The following CSMD1 variants were observed in gnomAD, a reference collection of about 807,000 sequenced individuals.
CSMD1 encodes the protein CUB and Sushi multiple domains 1, also known as CUB and sushi domain-containing protein 1.
A neutral mutation model predicts 417.5 loss-of-function variants in CSMD1; 213 were observed. The ratio of observed to expected loss-of-function variants is 0.51; its 90% CI spans 0.46 to 0.57. CSMD1 has a LOEUF of 0.57. CSMD1 is among the 20% of genes least tolerant of loss of function. CSMD1 has a pLI of 0.00. For synonymous variants in CSMD1, 2,862 were observed against 1,736.8 expected (o/e 1.65, Z -16.11); for missense variants, 6,923 against 4,529.7 (o/e 1.53, Z -15.17).
At chr8:3,749,933 C>T (rs1156320405) in intron 6 of CSMD1, among the ~76,000 whole-genome samples, 1 of 152,084 alleles carries the variant, frequency 6.6e-6, no homozygotes, top group East Asian at 1.9e-4. Context: ...CTGTTGGACG[C>T]ATGCCTGAAA....
At chr8:3,932,946 T>G (rs1283457334) in intron 5 of CSMD1, among the ~76,000 whole-genome samples, 1 of 150,380 alleles carries the variant, frequency 6.6e-6, no homozygotes, top group Non-Finnish European at 1.5e-5. Context: ...TTTAAAAGTG[T>G]ATGTGAATTT....
At chr8:3,620,037 T>G (rs562746641) in intron 7 of CSMD1, among the ~76,000 whole-genome samples, 2 of 152,134 alleles carry the variant, frequency 1.3e-5, no homozygotes, top group South Asian at 4.1e-4. Context: ...GGGAGGCAGA[T>G]GTTGCAGTGA....
intron 3 of CSMD1, among the ~76,000 whole-genome samples, chr8:4,113,991 A>G (rs1314734411): frequency 6.6e-6 from 1 of 152,212 alleles, no homozygotes; most frequent in Non-Finnish European, 1.5e-5. Context: ...AGCAAATGTC[A>G]ATGTAGAAGC....
At chr8:3,588,666 AG>A (rs770364071) in intron 8 of CSMD1, among the ~76,000 whole-genome samples, 7 of 152,138 alleles carry the variant, frequency 4.6e-5, no homozygotes, top group Non-Finnish European at 8.8e-5. Context: ...TTCTGTTTTG[AG>A]AAAAACAATC....
At chr8:3,158,361 G>C (rs913182415) in intron 38 of CSMD1, among the ~76,000 whole-genome samples, 1 of 152,082 alleles carries the variant, frequency 6.6e-6, no homozygotes, top group African/African-American at 2.4e-5. Context: ...TGATTAAAAG[G>C]CCAAAATGTC....
chr8:4,450,300 C>T (rs184872406), intron 2 of CSMD1, among the ~76,000 whole-genome samples: 4 of 152,288 alleles, frequency 2.6e-5, no homozygotes, highest in Non-Finnish European at 5.9e-5. Flanking sequence ...GCACTGTTTG[C>T]TGCAACTCAG....
chr8:4,703,331 G>T (rs547536799), intron 1 of CSMD1, among the ~76,000 whole-genome samples: 1 of 152,078 alleles, frequency 6.6e-6, no homozygotes, highest in African/African-American at 2.4e-5. Flanking sequence ...AATATACGTC[G>T]CTCCACGGAC....
chr8:3,669,154 GAAAGCACGTAC>G (rs1798855915), intron 7 of CSMD1, among the ~76,000 whole-genome samples: 1 of 152,160 alleles, frequency 6.6e-6, no homozygotes, highest in Non-Finnish European at 1.5e-5. Context: ...TTAAAACAAG[GAAAGCACGTAC>G]AAATGAGCAT....
intron 7 of CSMD1, among the ~76,000 whole-genome samples, chr8:3,638,484 C>G (rs111612328): frequency 6.6e-6 from 1 of 151,780 alleles, no homozygotes; most frequent in Non-Finnish European, 1.5e-5. Context: ...AACCTGGAGA[C>G]GTGATGATAA....
intron 33 of CSMD1, among the ~76,000 whole-genome samples, chr8:3,196,842 C>T (rs1314346126): frequency 6.6e-6 from 1 of 152,100 alleles, no homozygotes; most frequent in Admixed American, 6.6e-5. Flanking sequence ...AATGACCATG[C>T]CCGTTCATTC....
chr8:3,178,808 T>C (rs1359560176), intron 37 of CSMD1, among the ~76,000 whole-genome samples: 7 of 152,178 alleles, frequency 4.6e-5, no homozygotes, highest in Admixed American at 2.0e-4. Context: ...GCAGTCCATA[T>C]CTTAAAATAA....
chr8:4,894,544 A>C (rs9314550), intron 1 of CSMD1, among the ~76,000 whole-genome samples: 147,960 of 149,928 alleles, frequency 0.99, 73,006 homozygotes, highest in East Asian at 1. Context: ...AACAGCGAGA[A>C]CTCATCTCAA....
Position 4,614,547 on chromosome 8 carries a change from G to A in CSMD1, c.302+22795C>T, listed in dbSNP as rs1418781428. Among the ~76,000 whole-genome samples, 3 of 152,086 alleles carry A rather than the reference G, an allele frequency of 2.0e-5. No homozygotes were observed. The East Asian group carries it at 5.8e-4, about 29-fold the overall frequency. Reference sequence around the variant, plus strand: ...ATTATGTAACATAGCACAAGCGGAAGTATCTAGAACTTAGAAACCTAGAAC... The same window carrying A: ...ATTATGTAACATAGCACAAGCGGAAATATCTAGAACTTAGAAACCTAGAAC... On this transcript the variant is annotated intron_variant, in intron 2 of 69. Coordinates refer to ENST00000635120, the MANE Select transcript of CSMD1 (RefSeq NM_033225.6).
chr8:3,124,778 C>T (rs1817404260), intron 41 of CSMD1, among the ~76,000 whole-genome samples: 1 of 152,168 alleles, frequency 6.6e-6, no homozygotes. Flanking sequence ...ACCCAGGACC[C>T]ATTTTTTCAC....
rs1179800475 is a variant in CSMD1, at chr8:2,936,901, C to A, written c.*1684G>T. On this transcript the variant is annotated 3_prime_UTR_variant, in exon 70 of 70. Transcript: ENST00000635120. ...GGTGTCAATGTGTTCACTCCGACAA[C>A]GTGAAGGCCAATTTGAACATTCTGA... 6.6e-6 allele frequency: 1 copy of A among 152,134 alleles called. No homozygotes were observed. Among genetic ancestry groups the A allele is most frequent in the Non-Finnish European group, 1.5e-5 (1 of 68,034 alleles). 9.4% of individuals were successfully genotyped at this position (152,134 alleles called of 1,614,324 possible).
At chr8:4,245,900 G>A (rs953824723) in intron 3 of CSMD1, among the ~76,000 whole-genome samples, 6 of 152,066 alleles carry the variant, frequency 3.9e-5, no homozygotes, top group South Asian at 4.2e-4. Flanking sequence ...CATACATGGT[G>A]CTTTAGCTAA....
intron 1 of CSMD1, among the ~76,000 whole-genome samples, chr8:4,992,044 C>T (rs1364969612): frequency 2.0e-5 from 3 of 152,290 alleles, no homozygotes; most frequent in African/African-American, 7.2e-5. Flanking sequence ...GGCCTGGGAC[C>T]CTGGGCTCCA....
intron 1 of CSMD1, among the ~76,000 whole-genome samples, chr8:4,704,142 A>G (rs560752338): frequency 1.3e-5 from 2 of 152,330 alleles, no homozygotes; most frequent in East Asian, 1.9e-4. Context: ...GGGACCCGTG[A>G]TCTAGCTAAA....
chr8:4,585,214 T>C (rs187963546), intron 2 of CSMD1, among the ~76,000 whole-genome samples: 26 of 151,944 alleles, frequency 1.7e-4, no homozygotes, highest in Admixed American at 2.6e-4. Context: ...AAGAGCACCA[T>C]AAAGAACATC....
Sources: allele counts gnomAD v4.1 joint callset (sites outside exome capture counted in the v4.1 genomes callset), GRCh38; gene constraint gnomAD v4.1.1; transcripts MANE v1.5; gene names NCBI Gene and HGNC (gene_info 2026-07-23, HGNC 2026-07-21).